Variants in SGCD observed in about 807,000 individuals in gnomAD.
SGCD encodes the protein sarcoglycan delta.
A neutral mutation model predicts 36.6 loss-of-function variants in SGCD; 18 were observed. That is an observed-to-expected ratio of 0.49 (90% CI 0.34 to 0.73). The LOEUF (loss-of-function observed/expected upper bound fraction) is 0.73. SGCD is among the 30% of genes least tolerant of loss of function. SGCD has a pLI of 0.01. For synonymous variants in SGCD, 133 were observed against 130.6 expected (o/e 1.02, Z -0.12); for missense variants, 387 against 346.7 (o/e 1.12, Z -0.92).
At chr5:156,093,965 G>A (rs1281718642) in intron 1 of SGCD, among the ~76,000 whole-genome samples, 3 of 152,136 alleles carry the variant, frequency 2.0e-5, no homozygotes, top group East Asian at 1.9e-4. Context: ...AGCCACCCAC[G>A]GATATTTGCC....
chr5:156,097,618 G>A lies in SGCD; in HGVS notation c.-281-20260G>A, dbSNP rs765708. ...GCTGAGATTTCCTGTTTTTTCATTT[G>A]TATTGAGAGAGTGTGTAATTAGTTG... On this transcript the variant is annotated intron_variant, in intron 1 of 9. Coordinates refer to the SGCD transcript ENST00000517913. Among the ~76,000 whole-genome samples, 1,059 of 151,758 alleles carry A rather than the reference G, an allele frequency of 7.0e-3. 17 individuals are homozygous for A. Among genetic ancestry groups the A allele is most frequent in the Admixed American group, 0.032 (493 of 15,254 alleles).
At chr5:156,034,570 CAATT>C (rs1759442142) in intron 1 of SGCD, among the ~76,000 whole-genome samples, 1 of 152,154 alleles carries the variant, frequency 6.6e-6, no homozygotes, top group South Asian at 2.1e-4. Context: ...TTACTATAAT[CAATT>C]GTGTCTTGTG....
chr5:156,377,325 GA>G (rs1391106001), intron 3 of SGCD, among the ~76,000 whole-genome samples: 1 of 152,046 alleles, frequency 6.6e-6, no homozygotes, highest in African/African-American at 2.4e-5. Flanking sequence ...TATGTTAATG[GA>G]TGCCCAACTC....
At chr5:156,195,357 G>T (rs1763997794) in intron 3 of SGCD, among the ~76,000 whole-genome samples, 1 of 152,144 alleles carries the variant, frequency 6.6e-6, no homozygotes, top group Non-Finnish European at 1.5e-5. Context: ...GTGTAAATGA[G>T]AAATTTTTAT....
At chr5:156,592,467 G>A (rs1486132802) in intron 5 of SGCD, among the ~76,000 whole-genome samples, 2 of 152,112 alleles carry the variant, frequency 1.3e-5, no homozygotes, top group African/African-American at 2.4e-5. Context: ...ATCCCTCATT[G>A]GACATCTCAG....
At chr5:156,671,887 G>A (rs1753310078) in intron 7 of SGCD, among the ~76,000 whole-genome samples, 1 of 152,056 alleles carries the variant, frequency 6.6e-6, no homozygotes, top group Non-Finnish European at 1.5e-5. Flanking sequence ...CATGTCACAT[G>A]GCAAGAGAAA....
intron 7 of SGCD, among the ~76,000 whole-genome samples, chr5:156,723,859 G>A (rs1429884926): frequency 6.6e-6 from 1 of 151,926 alleles, no homozygotes; most frequent in African/African-American, 2.4e-5. Context: ...AAGTGTGTGT[G>A]TGTGTGTGTG....
intron 3 of SGCD, 124 bp from the exon 4 acceptor site, chr5:156,508,468 TGAATACCCG>T: frequency 1.6e-6 from 1 of 616,782 alleles, no homozygotes; most frequent in Non-Finnish European, 2.9e-6. Context: ...ACATGTTTTT[TGAATACCCG>T]TCCTCATTCC....
Position 156,311,291 on chromosome 5 carries a change from G to C in SGCD, c.-43-18243G>C, listed in dbSNP as rs540417903. Among the ~76,000 whole-genome samples, 4 of 152,194 alleles carry C rather than the reference G, an allele frequency of 2.6e-5. No homozygotes were observed. The South Asian group carries it at 8.3e-4, about 32-fold the overall frequency. On this transcript the variant is annotated intron_variant, in intron 3 of 9. Coordinates refer to the SGCD transcript ENST00000517913. ...GTTTTGCAATCCTAGCCATAGATAT[G>C]CTATGAAAGACTCAATGTCACCATG...
chr5:155,738,677 A>AGTGTGTGTGTGAGAGTGTATATGAGAGT, the SGCD span, among the ~76,000 whole-genome samples: 2 of 148,644 alleles, frequency 1.3e-5, no homozygotes, highest in Non-Finnish European at 3.0e-5. Flanking sequence ...TGTGTAGGAG[A>AGTGTGTGTGTGAGAGTGTATATGAGAGT]GTGTGTGTGT....
In SGCD at chr5:156,310,106, T is replaced by C. The variant is rs116755166; in HGVS notation, c.-43-19428T>C. Among the ~76,000 whole-genome samples, 747 of 152,306 alleles carry C rather than the reference T, an allele frequency of 4.9e-3. 2 individuals carry two copies. The highest frequency in any genetic ancestry group is 0.016 in the African/African-American group (656 of 41,556). On this transcript the variant is annotated intron_variant, in intron 3 of 9. Transcript: ENST00000517913. The stretch of plus-strand genomic sequence containing the variant: ...TCAACTTAAGGTCTTTTTAAGTCTT[T>C]TCTGAGCCTGCAAATTTACCTGGGC...
chr5:155,890,674 A>AGATAGAT (rs1756107346), intron 1 of SGCD, among the ~76,000 whole-genome samples: 2 of 151,688 alleles, frequency 1.3e-5, no homozygotes, highest in Non-Finnish European at 2.9e-5. Flanking sequence ...ATAGATAGAT[A>AGATAGAT]GATAGACAGA....
At chr5:156,409,273 T>G (rs1772610014) in intron 3 of SGCD, among the ~76,000 whole-genome samples, 1 of 152,204 alleles carries the variant, frequency 6.6e-6, no homozygotes, top group South Asian at 2.1e-4. Flanking sequence ...CAACACCCTT[T>G]GTTCATTTTT....
At chr5:156,010,566 C>T (rs547189530) in intron 1 of SGCD, among the ~76,000 whole-genome samples, 51 of 152,164 alleles carry the variant, frequency 3.4e-4, no homozygotes, top group African/African-American at 1.2e-3. Context: ...AGTATCTAGT[C>T]GACTGTAACT....
At chr5:155,853,547 C>T in the SGCD span, among the ~76,000 whole-genome samples, 3 of 152,072 alleles carry the variant, frequency 2.0e-5, no homozygotes, top group Non-Finnish European at 4.4e-5. Flanking sequence ...TTTGCTCTTG[C>T]GCCTTTAAAA....
chr5:156,388,669 C>A (rs912604714), intron 3 of SGCD, among the ~76,000 whole-genome samples: 1 of 152,144 alleles, frequency 6.6e-6, no homozygotes, highest in Non-Finnish European at 1.5e-5. Flanking sequence ...CCAGTTCTTC[C>A]AACTTTTTCA....
intron 7 of SGCD, among the ~76,000 whole-genome samples, chr5:156,665,134 G>A (rs1361072460): frequency 1.1e-4 from 16 of 152,206 alleles, no homozygotes; most frequent in Admixed American, 3.9e-4. Context: ...TTCAGCCGGC[G>A]GCCAGTATTG....
chr5:156,191,163 G>A lies in SGCD; in HGVS notation c.-44+67144G>A, dbSNP rs1763883098. ...ACATGATATCCAGGATGATAACTCA[G>A]CATTACCCGGTTCCTAGTATAATAA... On this transcript the variant is annotated intron_variant, in intron 3 of 9. Coordinates refer to the SGCD transcript ENST00000517913. Among the ~76,000 whole-genome samples, 3 of 152,012 alleles carry A rather than the reference G, an allele frequency of 2.0e-5. No individual in the cohort carries two copies. In the South Asian group the frequency reaches 6.2e-4, roughly 32 times the overall value.
intron 3 of SGCD, among the ~76,000 whole-genome samples, chr5:156,152,130 G>C (rs1391581433): frequency 1.3e-5 from 2 of 150,944 alleles, no homozygotes; most frequent in Non-Finnish European, 2.9e-5. Flanking sequence ...GAATAATTGT[G>C]AGTTAAAAAA....
Sources: allele counts gnomAD v4.1 joint callset (sites outside exome capture counted in the v4.1 genomes callset), GRCh38; gene constraint gnomAD v4.1.1; transcripts MANE v1.5; gene names NCBI Gene and HGNC (gene_info 2026-07-23, HGNC 2026-07-21).